Variants in EXD3 observed in about 807,000 individuals in gnomAD.
EXD3 encodes the protein exonuclease mut-7 homolog.
In EXD3, 92 loss-of-function variants were observed where a neutral mutation model predicts 98.0. The ratio of observed to expected loss-of-function variants is 0.94; its 90% CI spans 0.79 to 1.12. EXD3 has a LOEUF of 1.12. Among genes scored for constraint, EXD3 ranks in the 50% most tolerant of loss-of-function variants. EXD3 has a pLI of 0.00. For missense variants in EXD3, 1,222 were observed against 1,191.6 expected (o/e 1.03, Z -0.38); for synonymous variants, 569 against 526.0 (o/e 1.08, Z -1.12).
intron 17 of EXD3, among the ~76,000 whole-genome samples, chr9:137,340,309 T>C (rs534208868): frequency 1.1e-3 from 165 of 152,142 alleles, no homozygotes; most frequent in African/African-American, 3.7e-3. Flanking sequence ...AAACCTCATC[T>C]CTACCAAACA....
intron 18 of EXD3, 53 bp from the exon 19 acceptor site, chr9:137,323,909 C>A: frequency 1.1e-5 from 17 of 1,551,650 alleles, no homozygotes; most frequent in Middle Eastern, 4.0e-4. Context: ...CAGCACCTGC[C>A]CAGGCCCAGC....
rs1315770718 is a variant in EXD3 at position 137,355,599 on chromosome 9, A to C, written c.757+669T>G. Among the ~76,000 whole-genome samples the C allele has an allele frequency of 1.9e-4, 3 of 15,408 alleles. 1 individual carries two copies. The highest frequency in any genetic ancestry group is 6.7e-4 in the African/African-American group (2 of 2,988). The allele number at this position is 15,408 out of a possible 152,430, so 10.1% of individuals were successfully genotyped here. On this transcript the variant is annotated intron_variant, in intron 8 of 21. Coordinates refer to ENST00000340951, the MANE Select transcript of EXD3 (RefSeq NM_017820.5). ...GGAAGGAGGAAGGAGAAAGGGCGGA[A>C]GGAGAAAGGAGGAAGGAGGAAGGGA...
At chr9:137,378,323 C>T (rs1227327139) in intron 3 of EXD3, among the ~76,000 whole-genome samples, 3 of 152,148 alleles carry the variant, frequency 2.0e-5, no homozygotes, top group Non-Finnish European at 4.4e-5. Context: ...ATTCTCCTGC[C>T]TCAGCCTCGC....
At position 137,309,343 on chromosome 9, in the gene EXD3, A is replaced by C. The variant is rs371568092; in HGVS notation, c.2278+264T>G. Reference sequence around the variant, plus strand: ...GAGAAGGAGGTGCACACCACTCCAGAGGGTCGCCAAGGGCCCTGGTGTCCT... The same window carrying C: ...GAGAAGGAGGTGCACACCACTCCAGCGGGTCGCCAAGGGCCCTGGTGTCCT... On this transcript the variant is annotated intron_variant, in intron 20 of 21. Transcript: ENST00000340951. Among the ~76,000 whole-genome samples, 3 of 152,204 alleles carry C rather than the reference A, an allele frequency of 2.0e-5. No individual in the cohort carries two copies. The East Asian group carries it at 5.8e-4, about 29-fold the overall frequency.
Position 137,356,248 on chromosome 9 carries a change from A to T in EXD3, c.757+20T>A. The T allele has an allele frequency of 6.4e-7, 1 of 1,566,412 alleles. No homozygotes were observed. Among genetic ancestry groups the T allele is most frequent in the Non-Finnish European group, 8.7e-7 (1 of 1,152,192 alleles). On this transcript the variant is annotated intron_variant, in intron 8 of 21. Coordinates refer to ENST00000340951, the MANE Select transcript of EXD3 (RefSeq NM_017820.5). ...GGCTCTCCCTGGCCTGTGGGGCAGG[A>T]ATGTGGGGGCTGGACTCACCTGGGG...
intron 2 of EXD3, among the ~76,000 whole-genome samples, chr9:137,384,941 A>G (rs1273499049): frequency 6.6e-6 from 1 of 152,064 alleles, no homozygotes; most frequent in African/African-American, 2.4e-5. Flanking sequence ...AAACTACAAA[A>G]GCTAGCTGGG....
chr9:137,327,791 T>A (rs57837700), intron 17 of EXD3, among the ~76,000 whole-genome samples: 6 of 334 alleles, frequency 0.018, no homozygotes, highest in Admixed American at 0.05. Context: ...ACAACAAATA[T>A]ACACCCACAT....
chr9:137,373,484 C>A lies in EXD3; in HGVS notation c.236G>T (p.Trp79Leu). The stretch of plus-strand genomic sequence containing the variant: ...CCAGCACTGCAGCTGGTGGGAGATC[C>A]AGGCCGCCAGGGAGGGGCCCTCTCC... Reference protein sequence around the residue: ...QRGEGPSLAAWISHQLQCWLQ... With the variant: ...QRGEGPSLAALISHQLQCWLQ... Residue 79 changes from tryptophan (W) to leucine (L), a missense_variant, in exon 4 of 22, where the codon TGG becomes TTG. Physicochemically the swap from Trp to Leu is moderately conservative, Grantham distance 61 (BLOSUM62 -2). Transcript: ENST00000340951. 6.2e-7 allele frequency: 1 copy of A among 1,608,756 alleles called. No individual in the cohort carries two copies. Among genetic ancestry groups the A allele is most frequent in the Non-Finnish European group, 8.5e-7 (1 of 1,178,588 alleles).
chr9:137,354,294 C>CTGT (rs1834488644), intron 10 of EXD3, 45 bp downstream of exon 10: 2 of 1,605,930 alleles, frequency 1.2e-6, no homozygotes, highest in Non-Finnish European at 1.7e-6. Context: ...CTAGGACAGC[C>CTGT]GCCCAGGCCG....
Position 137,323,843 on chromosome 9 carries a change from A to T in EXD3, c.2066T>A (p.Val689Asp), listed in dbSNP as rs1313847367. The stretch of plus-strand genomic sequence containing the variant: ...GACCGAGAGGCAGCGCCCAGCCCCG[A>T]CCTGGGCCCGGAGCTGCAAAGACAC... Reference protein sequence around the residue: ...GQPFHKLRAQVGAGRCLSVDC... With the variant: ...GQPFHKLRAQDGAGRCLSVDC... The change falls in exon 19 of 22, where the codon GTC becomes GAC. Residue 689 changes from valine (V) to aspartate (D), a missense_variant. By Grantham distance (152) the Val-to-Asp change is radical. Transcript: ENST00000340951. 6.2e-7 allele frequency: 1 copy of T among 1,611,028 alleles called. No homozygotes were observed. Among genetic ancestry groups the T allele is most frequent in the East Asian group, 2.2e-5 (1 of 44,840 alleles).
chr9:137,384,340 G>A (rs368677779), intron 2 of EXD3, among the ~76,000 whole-genome samples: 8 of 152,272 alleles, frequency 5.3e-5, no homozygotes, highest in African/African-American at 1.9e-4. Context: ...AGAGTCCAAG[G>A]TTATGATTCA....
At chr9:137,409,683 T>C (rs755416093) in intron 1 of EXD3, among the ~76,000 whole-genome samples, 2 of 152,188 alleles carry the variant, frequency 1.3e-5, no homozygotes, top group Non-Finnish European at 2.9e-5. Flanking sequence ...TGGAAACGGC[T>C]GGCAAGGATT....
rs1838214960 is a variant in EXD3 at position 137,416,019 on chromosome 9, G to A, written c.-48+7095C>T. Among the ~76,000 whole-genome samples the A allele has an allele frequency of 3.3e-5, 5 of 152,174 alleles. 1 individual carries two copies. Among genetic ancestry groups the A allele is most frequent in the Admixed American group, 1.3e-4 (2 of 15,282 alleles). On this transcript the variant is annotated intron_variant, in intron 1 of 21. Transcript: ENST00000340951. ...AATACTACACAATGTATACACCCTG[G>A]TTTGTATTCATGAACAAAGAAAAAA...
intron 19 of EXD3, among the ~76,000 whole-genome samples, chr9:137,317,443 G>A (rs1462227311): frequency 6.6e-6 from 1 of 152,100 alleles, no homozygotes; most frequent in East Asian, 1.9e-4. Context: ...GGCATGCTGC[G>A]TGGCCCTCTG....
chr9:137,408,905 T>C (rs946329204), intron 1 of EXD3, among the ~76,000 whole-genome samples: 1 of 152,212 alleles, frequency 6.6e-6, no homozygotes, highest in Non-Finnish European at 1.5e-5. Flanking sequence ...GGGCTGTTTT[T>C]ATCCCTGAGC....
chr9:137,340,492 GA>G (rs1401246765), intron 17 of EXD3, among the ~76,000 whole-genome samples: 1 of 151,512 alleles, frequency 6.6e-6, no homozygotes, highest in East Asian at 1.9e-4. Context: ...AAAAAAAAAA[GA>G]AAGAGTTAAA....
intron 1 of EXD3, among the ~76,000 whole-genome samples, chr9:137,419,931 G>C (rs943358979): frequency 6.6e-5 from 10 of 152,104 alleles, no homozygotes; most frequent in South Asian, 2.1e-4. Context: ...AGGCCAAGGC[G>C]GGCGGATCAC....
intron 9 of EXD3, 64 bp from the exon 10 acceptor site, chr9:137,354,441 G>A: frequency 6.2e-7 from 1 of 1,607,340 alleles, no homozygotes; most frequent in Non-Finnish European, 8.5e-7. Context: ...GGGGCCTGGT[G>A]GGAGTTTTCC....
At position 137,407,842 on chromosome 9, in the gene EXD3, G is replaced by A. The variant is rs1410715865; in HGVS notation, c.-47-12438C>T. 1.3e-5 allele frequency among the ~76,000 whole-genome samples: 2 copies of A among 151,836 alleles called. No homozygotes were observed. The highest frequency in any genetic ancestry group is 2.4e-5 in the African/African-American group (1 of 41,358). On this transcript the variant is annotated intron_variant, in intron 1 of 21. Transcript: ENST00000340951. The surrounding 1 kb of genome is among the most constrained non-coding windows in gnomAD (Gnocchi z 4.4). ...AGGACACACGCGGGAGGCGGGAGGC[G>A]GGAGGGGCACAGCAAAGGGTCTGGG... is the stretch of plus-strand genomic sequence containing the variant.
Sources: gnomAD v4.1 joint callset for allele counts (sites outside exome capture counted in the v4.1 genomes callset) on GRCh38, gnomAD v4.1.1 for gene constraint, Gnocchi (gnomAD v3.1) non-coding constraint, MANE v1.5 for transcripts, NCBI Gene and HGNC (gene_info 2026-07-23, HGNC 2026-07-21) for gene names.